The following VCL variants were observed in gnomAD, a reference collection of about 807,000 sequenced individuals.
The protein encoded by VCL is epididymis luminal protein 114.
Under a neutral mutation model 125.7 loss-of-function variants are expected in VCL, and 47 were observed. The observed-to-expected ratio is 0.37, with a 90% CI of 0.30 to 0.48. VCL has a LOEUF of 0.48. Ranked by LOEUF, VCL falls within the 20% of genes least tolerant of loss-of-function variation. The pLI, the probability that VCL is intolerant of heterozygous loss-of-function variation, is 0.99. For synonymous variants in VCL, 458 were observed against 514.6 expected (o/e 0.89, Z 1.49); for missense variants, 1,069 against 1,455.5 (o/e 0.73, Z 4.32).
At chr10:74,094,206 C>T (rs1480117840) in intron 10 of VCL, 65 bp from the exon 11 acceptor site, 29 of 1,592,286 alleles carry the variant, frequency 1.8e-5, no homozygotes, top group Non-Finnish European at 2.5e-5. Flanking sequence ...TTGTCATTAG[C>T]AGCTAAGTGA....
chr10:74,086,179 C>A (rs569857115), intron 8 of VCL, among the ~76,000 whole-genome samples: 2 of 152,272 alleles, frequency 1.3e-5, no homozygotes, highest in South Asian at 4.1e-4. Flanking sequence ...GAATGCGGAT[C>A]TTAAAGGCGT....
At chr10:74,003,819 A>G (rs1164747356) in intron 1 of VCL, among the ~76,000 whole-genome samples, 1 of 152,198 alleles carries the variant, frequency 6.6e-6, no homozygotes, top group African/African-American at 2.4e-5. Context: ...TCCTGGGCCC[A>G]ACAGATCCTC....
At chr10:74,055,628 G>A (rs186344116) in intron 2 of VCL, among the ~76,000 whole-genome samples, 1 of 152,110 alleles carries the variant, frequency 6.6e-6, no homozygotes, top group African/African-American at 2.4e-5. Context: ...GATTATAGGC[G>A]TTAGCCACCA....
Position 74,072,795 on chromosome 10 carries a change from G to T in VCL, c.565G>T (p.Val189Leu), listed in dbSNP as rs151045204. The T allele has an allele frequency of 1.6e-5, 26 of 1,614,180 alleles. No individual in the cohort carries two copies. In the African/African-American group the frequency reaches 2.4e-4, roughly 15 times the overall value. Residue 189 changes from valine (V) to leucine (L), a missense_variant, in exon 5 of 22, where the codon GTG becomes TTG. Physicochemically the swap from Val to Leu is conservative, Grantham distance 32. Around this residue, in one of 6 missense-constraint regions of VCL, gnomAD observed 760 missense variants for 928.9 expected, o/e 0.82. Coordinates refer to ENST00000211998, the MANE Select transcript of VCL (RefSeq NM_014000.3). ...GGAGCTCACTCACCAGGAGCACCGA[G>T]TGATGTTGGTGAACTCGATGAACAC... is the stretch of plus-strand genomic sequence containing the variant. ...QQELTHQEHR[V>L]MLVNSMNTVK...
At chr10:74,015,663 C>T (rs1191692015) in intron 1 of VCL, among the ~76,000 whole-genome samples, 5 of 151,756 alleles carry the variant, frequency 3.3e-5, no homozygotes, top group Admixed American at 3.3e-4. Flanking sequence ...ATTTAAATGA[C>T]AGTCTTTTCC....
chr10:74,120,224 GATGAATAGTCA>G (rs1840392553), downstream of VCL: 1 of 152,110 alleles, frequency 6.6e-6, no homozygotes, highest in Admixed American at 6.5e-5. Flanking sequence ...CCTTTGTTTT[GATGAATAGTCA>G]ATGAAACTAA....
At chr10:74,086,121 C>T (rs946525602) in intron 8 of VCL, among the ~76,000 whole-genome samples, 1 of 152,192 alleles carries the variant, frequency 6.6e-6, no homozygotes, top group East Asian at 1.9e-4. Flanking sequence ...CCTGCTGCGG[C>T]CTCCCAAAGT....
intron 12 of VCL, 37 bp downstream of exon 12, chr10:74,095,892 G>A (rs1339551304): frequency 1.9e-6 from 3 of 1,604,276 alleles, no homozygotes; most frequent in Non-Finnish European, 2.5e-6. Flanking sequence ...TACTTTTTAT[G>A]CTTCCTATTA....
At chr10:74,094,504 G>A in intron 11 of VCL, 43 bp downstream of exon 11, 1 of 1,593,438 alleles carries the variant, frequency 6.3e-7, no homozygotes, top group Non-Finnish European at 8.6e-7. Context: ...ATTGGTCTCA[G>A]TGCAAATAAG....
intron 15 of VCL, 131 bp from the exon 16 acceptor site, chr10:74,104,920 G>C (rs1182173106): frequency 2.9e-6 from 3 of 1,035,672 alleles, no homozygotes; most frequent in Admixed American, 4.4e-5. Context: ...TGATTATGTA[G>C]GAAGAGTTTG....
chr10:74,114,428 TGTGTGTGTGC>T (rs2131940138), intron 20 of VCL, 41 bp downstream of exon 20: 4 of 1,570,556 alleles, frequency 2.5e-6, no homozygotes, highest in Non-Finnish European at 3.5e-6. Context: ...TGTGTGTGTG[TGTGTGTGTGC>T]GTGTGTGTGT....
chr10:74,060,324 C>T (rs1456539941), intron 2 of VCL, among the ~76,000 whole-genome samples: 1 of 151,466 alleles, frequency 6.6e-6, no homozygotes, highest in African/African-American at 2.4e-5. Context: ...TTTAGTAACT[C>T]ACTTTTTCTG....
chr10:74,092,743 G>C (rs1839908813), intron 10 of VCL, among the ~76,000 whole-genome samples: 1 of 152,188 alleles, frequency 6.6e-6, no homozygotes, highest in Non-Finnish European at 1.5e-5. Context: ...AGAATCATCT[G>C]AGAAGGTCGT....
chr10:74,093,748 G>A (rs1839925213), intron 10 of VCL, among the ~76,000 whole-genome samples: 3 of 152,134 alleles, frequency 2.0e-5, no homozygotes, highest in South Asian at 4.1e-4. Context: ...AGCCTGCTGT[G>A]AGCCATGATC....
intron 2 of VCL, among the ~76,000 whole-genome samples, chr10:74,060,042 G>C (rs1175193693): frequency 6.6e-6 from 1 of 152,010 alleles, no homozygotes; most frequent in Admixed American, 6.5e-5. Context: ...TGCACCTATA[G>C]TCTCAGCTAC....
chr10:74,062,350 C>T lies in VCL; in HGVS notation c.240-8320C>T, dbSNP rs1011079541. Among the ~76,000 whole-genome samples, 3 of 150,910 alleles carry T rather than the reference C, an allele frequency of 2.0e-5. No individual in the cohort carries two copies. In the Admixed American group the frequency reaches 2.0e-4, roughly 10 times the overall value. ...AAAGTGCTAGGATTACAGGTGTGAGCCACCATGCCTGGCCTGATTTTTTTT... is the reference window on the plus strand; with the variant it reads ...AAAGTGCTAGGATTACAGGTGTGAGTCACCATGCCTGGCCTGATTTTTTTT... On this transcript the variant is annotated intron_variant, in intron 2 of 21. Coordinates refer to ENST00000211998, the MANE Select transcript of VCL (RefSeq NM_014000.3).
At chr10:74,018,183 T>TATATATATATATATATAAATAC (rs1555114501) in intron 1 of VCL, among the ~76,000 whole-genome samples, 1 of 133,694 alleles carries the variant, frequency 7.5e-6, no homozygotes, top group African/African-American at 2.8e-5. Flanking sequence ...ATAGGATATA[T>TATATATATATATATATAAATAC]ATATATATAT....
chr10:74,026,321 A>C (rs1179567257), intron 1 of VCL, among the ~76,000 whole-genome samples: 1 of 152,182 alleles, frequency 6.6e-6, no homozygotes, highest in African/African-American at 2.4e-5. Flanking sequence ...GCTTTTTATT[A>C]AAAGGGAAAC....
At chr10:74,027,915 G>GA (rs1169719417) in intron 1 of VCL, 5 of 152,192 alleles carry the variant, frequency 3.3e-5, no homozygotes, top group African/African-American at 1.2e-4. Context: ...AACAGTCACA[G>GA]ACCCTTAGTC....
Sources: allele counts gnomAD v4.1 joint callset (sites outside exome capture counted in the v4.1 genomes callset), GRCh38; gene constraint gnomAD v4.1.1; regional missense constraint gnomAD v4.1.1; transcripts MANE v1.5; gene names NCBI Gene and HGNC (gene_info 2026-07-23, HGNC 2026-07-21).